The following TOP2A variants were observed in gnomAD, a reference collection of about 807,000 sequenced individuals.
TOP2A encodes DNA topoisomerase 2-alpha.
TOP2A carries 68 observed loss-of-function variants against 187.2 expected under a neutral mutation model. The ratio of observed to expected loss-of-function variants is 0.36; its 90% CI spans 0.30 to 0.44. The LOEUF (loss-of-function observed/expected upper bound fraction) is 0.44, where lower values mean the gene tolerates loss of function less well. Ranked by LOEUF, TOP2A falls within the 20% of genes least tolerant of loss-of-function variation. The pLI is 1.00. For missense variants in TOP2A, 1,196 were observed against 1,808.7 expected (o/e 0.66, Z 6.14); for synonymous variants, 542 against 593.2 (o/e 0.91, Z 1.25).
At position 40,411,632 on chromosome 17, in the gene TOP2A, A is replaced by G. The variant is rs1455155317; in HGVS notation, c.963+13T>C. 1.2e-6 allele frequency: 2 copies of G among 1,602,944 alleles called. No homozygotes were observed. The highest frequency in any genetic ancestry group is 8.5e-7 in the Non-Finnish European group (1 of 1,176,158). ...AAGATAAATCATGATTAATAATTTA[A>G]GAATAAAATTACCTTGGATGTAGCA... On this transcript the variant is annotated intron_variant, in intron 8 of 34. Transcript: ENST00000423485. This position sits in a 1 kb window ranked among gnomAD's most constrained non-coding sequence, Gnocchi z 4.4.
intron 4 of TOP2A, 100 bp from the exon 5 acceptor site, chr17:40,413,725 C>G (rs2035353067): frequency 1.6e-6 from 1 of 643,368 alleles, no homozygotes; most frequent in Non-Finnish European, 2.4e-6. Flanking sequence ...TATGTATATT[C>G]AGGCTGGGCG....
At position 40,400,637 on chromosome 17, in the gene TOP2A, AC is replaced by A; in HGVS notation, c.2690del (p.Gly897ValfsTer12). On this transcript the variant is annotated frameshift_variant, in exon 22 of 35. Coordinates refer to ENST00000423485, the MANE Select transcript of TOP2A (RefSeq NM_001067.4). LOFTEE classifies it high-confidence loss of function. ...GATTTGGAGCCAGTTCTTCAATAGT[AC>A]CCTTGAAGTTCTTGTAACTTGGAAG... is the stretch of plus-strand genomic sequence containing the variant. ...PMLPSYKNFKGTIEELAPNQY... is the reference protein window; with the variant it reads ...PMLPSYKNFKXTIEELAPNQY... The A allele has an allele frequency of 6.3e-7, 1 of 1,597,590 alleles. No individual in the cohort carries two copies. The highest frequency in any genetic ancestry group is 8.5e-7 in the Non-Finnish European group (1 of 1,174,762).
chr17:40,404,443 T>A lies in TOP2A; in HGVS notation c.2095A>T (p.Ile699Phe), dbSNP rs779966669. 1.2e-6 allele frequency: 2 copies of A among 1,612,254 alleles called. No individual in the cohort carries two copies. The highest frequency in any genetic ancestry group is 3.3e-5 in the Admixed American group (2 of 59,972). The change falls in exon 18 of 35, where the codon ATC becomes TTC. Residue 699 changes from isoleucine to phenylalanine, a missense_variant. By Grantham distance (21) the Ile-to-Phe change is conservative. Transcript: ENST00000423485. Reference protein sequence around the residue: ...TTTYLTYNDFINKELILFSNS... With the variant: ...TTTYLTYNDFFNKELILFSNS... The stretch of plus-strand genomic sequence containing the variant: ...GAGAACAAGATAAGTTCCTTGTTGA[T>A]GAAGTCATTATATGTCAGATATGTG...
intron 16 of TOP2A, among the ~76,000 whole-genome samples, chr17:40,405,105 T>C (rs952951928): frequency 1.4e-4 from 21 of 151,698 alleles, no homozygotes; most frequent in Non-Finnish European, 2.8e-4. Flanking sequence ...TTCTCCTGCC[T>C]CAGCCTCCTG....
intron 16 of TOP2A, 96 bp from the exon 17 acceptor site, chr17:40,404,979 A>T: frequency 1.3e-6 from 1 of 763,486 alleles, no homozygotes; most frequent in Non-Finnish European, 2.1e-6. Context: ...AAAAACAAAA[A>T]TACTGTTTTC....
chr17:40,391,672 A>C, intron 32 of TOP2A, 32 bp from the exon 33 acceptor site: 3 of 1,527,812 alleles, frequency 2.0e-6, no homozygotes, highest in Non-Finnish European at 2.6e-6. Flanking sequence ...AAAATAGTAC[A>C]TTTAAGCAAC....
rs1485756174 is a variant in TOP2A at position 40,407,625 on chromosome 17, T to C, written c.1550A>G (p.Gln517Arg). The C allele has an allele frequency of 2.5e-6, 4 of 1,595,436 alleles. No homozygotes were observed. Among genetic ancestry groups the C allele is most frequent in the African/African-American group, 2.7e-5 (2 of 74,134 alleles). ...TTCATCTTCATAGTTTTTCTTGTAC[T>C]GAAGACCCACAATCTTGATGATATT... is the stretch of plus-strand genomic sequence containing the variant. ...INNIIKIVGL[Q>R]YKKNYEDEDS... Residue 517 changes from glutamine to arginine, a missense_variant, in exon 13 of 35, where the codon CAG becomes CGG. This residue lies in a region of TOP2A where 252 missense variants were observed against 434.8 expected (regional missense o/e 0.58). Coordinates refer to ENST00000423485, the MANE Select transcript of TOP2A (RefSeq NM_001067.4).
chr17:40,399,503 TGCC>T (rs1050673905), intron 24 of TOP2A, among the ~76,000 whole-genome samples: 67 of 149,696 alleles, frequency 4.5e-4, no homozygotes, highest in African/African-American at 1.5e-3. Context: ...GTAATCTTCC[TGCC>T]TTTTTTTTTT....
At chr17:40,414,998 G>A (rs979686387) in intron 4 of TOP2A, among the ~76,000 whole-genome samples, 2 of 151,178 alleles carry the variant, frequency 1.3e-5, no homozygotes, top group Non-Finnish European at 2.9e-5. Context: ...TATACATTAT[G>A]GTTCTTGTTC....
In TOP2A at chr17:40,412,813, A is replaced by G. The variant is rs1286961660; in HGVS notation, c.735T>C (p.Asp245=). The G allele has an allele frequency of 1.9e-6, 3 of 1,613,888 alleles. No individual in the cohort carries two copies. Among genetic ancestry groups the G allele is most frequent in the Non-Finnish European group, 2.5e-6 (3 of 1,179,882 alleles). Residue 245 remains aspartate, a synonymous_variant, in exon 7 of 35, where the codon GAT becomes GAC. Coordinates refer to ENST00000423485, the MANE Select transcript of TOP2A (RefSeq NM_001067.4). ...IVALMVRRAY[D]IAGSTKDVKV... is the part of the protein sequence containing the mutation. ...TGACATCTTTGGTGGATCCAGCAATATCATATGCTCTTCTGACCATTAGTG... is the reference window on the plus strand; with the variant it reads ...TGACATCTTTGGTGGATCCAGCAATGTCATATGCTCTTCTGACCATTAGTG...
At chr17:40,415,297 G>A (rs770791110) in intron 4 of TOP2A, among the ~76,000 whole-genome samples, 13 of 151,940 alleles carry the variant, frequency 8.6e-5, no homozygotes, top group East Asian at 1.9e-4. Flanking sequence ...CTTGTGATCC[G>A]CCCGCATCGG....
chr17:40,389,263 A>G lies in TOP2A; in HGVS notation c.*256T>C, dbSNP rs2034993633. ...TACAGTTCAGAAGAACTTAAAAATCAGGTTTTAAAGACAAAAGAAAGCAGA... is the reference window on the plus strand; with the variant it reads ...TACAGTTCAGAAGAACTTAAAAATCGGGTTTTAAAGACAAAAGAAAGCAGA... On this transcript the variant is annotated 3_prime_UTR_variant, in exon 35 of 35. Coordinates refer to ENST00000423485, the MANE Select transcript of TOP2A (RefSeq NM_001067.4). The G allele has an allele frequency of 5.9e-6, 2 of 341,104 alleles. No homozygotes were observed. Among genetic ancestry groups the G allele is most frequent in the Non-Finnish European group, 1.1e-5 (2 of 185,524 alleles). 21.1% of individuals were successfully genotyped at this position (341,104 alleles called of 1,614,324 possible).
chr17:40,409,138 G>A (rs945792231), intron 10 of TOP2A: 4 of 307,910 alleles, frequency 1.3e-5, no homozygotes, highest in Non-Finnish European at 1.9e-5. Context: ...AGGTTGCAGC[G>A]AGCCAAGATC....
chr17:40,402,124 A>G (rs2035190200), intron 20 of TOP2A, among the ~76,000 whole-genome samples: 1 of 152,226 alleles, frequency 6.6e-6, no homozygotes, highest in South Asian at 2.1e-4. Flanking sequence ...GATGTTAAGT[A>G]TCAAGCAAAG....
chr17:40,399,271 A>C, intron 24 of TOP2A, 140 bp from the exon 25 acceptor site: 1 of 649,690 alleles, frequency 1.5e-6, no homozygotes, highest in South Asian at 2.0e-5. Flanking sequence ...CCCGGTATAC[A>C]GGCAAGTCTC....
chr17:40,392,140 C>T (rs2035030031), intron 31 of TOP2A, 29 bp from the exon 32 acceptor site: 2 of 1,610,258 alleles, frequency 1.2e-6, no homozygotes, highest in East Asian at 4.5e-5. Context: ...ATCCTGACAA[C>T]CAATTCTAAA....
rs775891272 is a variant in TOP2A, at chr17:40,399,958, A to C, written c.3110T>G (p.Leu1037Arg). 6.2e-7 allele frequency: 1 copy of C among 1,613,392 alleles called. No homozygotes were observed. The highest frequency in any genetic ancestry group is 1.3e-5 in the African/African-American group (1 of 74,896). Residue 1037 changes from leucine to arginine, a missense_variant, in exon 24 of 35, where the codon CTC (leucine) becomes CGC (arginine). Around this residue, in one of 10 missense-constraint regions of TOP2A, gnomAD observed 232 missense variants for 306.1 expected, o/e 0.76. Transcript: ENST00000423485. ...LKYYGLRKEWLLGMLGAESAK... is the reference protein window; with the variant it reads ...LKYYGLRKEWRLGMLGAESAK... ...AGATTCAGCACCAAGCATTCCTAGGAGCCATTCTTTTCTTAATCCATAATA... is the reference window on the plus strand; with the variant it reads ...AGATTCAGCACCAAGCATTCCTAGGCGCCATTCTTTTCTTAATCCATAATA...
Position 40,405,379 on chromosome 17 carries a change from G to A in TOP2A, c.1954-496C>T, listed in dbSNP as rs1166570456. Among the ~76,000 whole-genome samples the A allele has an allele frequency of 5.9e-5, 9 of 151,536 alleles. No individual in the cohort carries two copies. The South Asian group carries it at 1.7e-3, about 28-fold the overall frequency. Reference sequence around the variant, plus strand: ...TTGGTCAGGCTGGTCTTGAACTCCCGAGCTCAGGTGATCCACCCGCCTCGG... The same window carrying A: ...TTGGTCAGGCTGGTCTTGAACTCCCAAGCTCAGGTGATCCACCCGCCTCGG... On this transcript the variant is annotated intron_variant, in intron 16 of 34. Coordinates refer to ENST00000423485, the MANE Select transcript of TOP2A (RefSeq NM_001067.4).
At position 40,408,897 on chromosome 17, in the gene TOP2A, T is replaced by A. The variant is rs781304625; in HGVS notation, c.1204-267A>T. On this transcript the variant is annotated intron_variant, in intron 10 of 34. Coordinates refer to ENST00000423485, the MANE Select transcript of TOP2A (RefSeq NM_001067.4). ...ACTGAGCTACTTGTTGGAGATATAG[T>A]GGTTAAAACAAATTAGACCAGGCAC... is the stretch of plus-strand genomic sequence containing the variant. 52 of 562,904 alleles carry A rather than the reference T, an allele frequency of 9.2e-5. 3 individuals carry two copies. Among genetic ancestry groups the A allele is most frequent in the South Asian group, 7.9e-4 (52 of 65,500 alleles). The allele number at this position is 562,904 out of a possible 1,614,324, so 34.9% of individuals were successfully genotyped here. A position where few individuals can be genotyped will look rare whatever the true frequency, so the allele number is the denominator to read the frequency against.
Sources: allele counts gnomAD v4.1 joint callset (sites outside exome capture counted in the v4.1 genomes callset), GRCh38; gene constraint gnomAD v4.1.1; regional missense constraint gnomAD v4.1.1; non-coding constraint Gnocchi (gnomAD v3.1); transcripts MANE v1.5; gene names NCBI Gene and HGNC (gene_info 2026-07-23, HGNC 2026-07-21).